Variants in NCMAP observed in about 807,000 individuals in gnomAD.
The protein encoded by NCMAP is non-compact myelin associated protein.
In NCMAP, 8 loss-of-function variants were observed where a neutral mutation model predicts 7.8. That is an observed-to-expected ratio of 1.02 (90% CI 0.60 to 1.84). The LOEUF is 1.84. Ranked by LOEUF, NCMAP falls within the 40% of genes most tolerant of loss-of-function variation. The probability of loss-of-function intolerance (pLI) is 0.00; values close to 1 mark genes in which losing one functional copy is unlikely to be tolerated. For missense variants in NCMAP, 112 were observed against 131.4 expected (o/e 0.85, Z 0.72); for synonymous variants, 41 against 52.9 (o/e 0.78, Z 0.98).
intron 1 of NCMAP, among the ~76,000 whole-genome samples, chr1:24,574,087 G>A (rs12077236): frequency 0.12 from 18,361 of 149,330 alleles, 2,001 homozygotes; most frequent in African/African-American, 0.23. Context: ...CCCACACAGC[G>A]GCCCCCAGGT....
intron 2 of NCMAP, among the ~76,000 whole-genome samples, chr1:24,600,499 G>C (rs11249139): frequency 0.33 from 49,874 of 152,154 alleles, 8,414 homozygotes; most frequent in Middle Eastern, 0.45. Context: ...GGTGAATGTA[G>C]ATATGCAGAC....
chr1:24,598,446 G>C (rs77931993), intron 2 of NCMAP, among the ~76,000 whole-genome samples: 53 of 151,972 alleles, frequency 3.5e-4, no homozygotes, highest in African/African-American at 1.2e-3. Flanking sequence ...CCATCGATTA[G>C]TTCTGCTTGG....
chr1:24,562,971 T>C (rs1438848077), intron 1 of NCMAP, among the ~76,000 whole-genome samples: 1 of 149,720 alleles, frequency 6.7e-6, no homozygotes, highest in Non-Finnish European at 1.5e-5. Context: ...AGAGCTGGCA[T>C]CCCTGGGGGG....
chr1:24,604,750 G>A (rs1387088232), intron 3 of NCMAP, among the ~76,000 whole-genome samples: 2 of 146,020 alleles, frequency 1.4e-5, no homozygotes, highest in African/African-American at 2.5e-5. Context: ...GGGAGGCCAA[G>A]TGGGGAGGAT....
At chr1:24,586,487 G>A (rs1467623730) in intron 1 of NCMAP, among the ~76,000 whole-genome samples, 2 of 152,202 alleles carry the variant, frequency 1.3e-5, no homozygotes, top group African/African-American at 2.4e-5. Context: ...TCACGGCTGG[G>A]CACGGTGGCT....
rs1468613604 is a variant in NCMAP, at chr1:24,608,605, A to G, written c.*2858A>G. 1 of 152,254 alleles carries G rather than the reference A, an allele frequency of 6.6e-6. No homozygotes were observed. Among genetic ancestry groups the G allele is most frequent in the East Asian group, 1.9e-4 (1 of 5,196 alleles). 9.4% of individuals were successfully genotyped at this position (152,254 alleles called of 1,614,324 possible). On this transcript the variant is annotated 3_prime_UTR_variant, in exon 4 of 4. Coordinates refer to ENST00000374392, the MANE Select transcript of NCMAP (RefSeq NM_001010980.5). ...CCCCTAAACATATTCGGCTTGAAAA[A>G]GTTGTTTTGGGGCAGCTGTGGTGGT...
intron 3 of NCMAP, among the ~76,000 whole-genome samples, chr1:24,602,198 C>T (rs936888411): frequency 6.6e-6 from 1 of 152,128 alleles, no homozygotes; most frequent in Non-Finnish European, 1.5e-5. Flanking sequence ...GAAAGCAACA[C>T]AGCAAGGTCT....
At chr1:24,588,076 A>G (rs186006877) in intron 1 of NCMAP, among the ~76,000 whole-genome samples, 33 of 151,424 alleles carry the variant, frequency 2.2e-4, no homozygotes, top group African/African-American at 7.5e-4. Context: ...AAAAGACTCA[A>G]TTTTCTTTTC....
At chr1:24,598,538 G>A (rs1463432169) in intron 2 of NCMAP, among the ~76,000 whole-genome samples, 3 of 152,006 alleles carry the variant, frequency 2.0e-5, no homozygotes, top group Non-Finnish European at 2.9e-5. Flanking sequence ...CATTATGCTT[G>A]TATGCACATA....
chr1:24,567,782 C>T (rs554535772), intron 1 of NCMAP, among the ~76,000 whole-genome samples: 2 of 152,194 alleles, frequency 1.3e-5, no homozygotes, highest in African/African-American at 4.8e-5. Flanking sequence ...GGAGGACATT[C>T]CCAAAGAGGG....
chr1:24,601,698 A>G (rs1652497329), intron 3 of NCMAP, among the ~76,000 whole-genome samples: 1 of 152,086 alleles, frequency 6.6e-6, no homozygotes. Context: ...TGAGTCCAGG[A>G]GTTTGAGTCC....
chr1:24,597,520 G>A (rs1251560151), intron 2 of NCMAP, among the ~76,000 whole-genome samples: 1 of 24,510 alleles, frequency 4.1e-5, no homozygotes, highest in Non-Finnish European at 9.3e-5. Flanking sequence ...AGAGAAGGAA[G>A]GGGGGGGGGG....
rs1230333944 is a variant in NCMAP at position 24,576,132 on chromosome 1, T to C, written c.-7-19292T>C. ...CCTCACCACTGCCACCCTGCACAGA[T>C]GGCTCCCCTGCCTGTCCCCCGACCT... On this transcript the variant is annotated intron_variant, in intron 1 of 3. Transcript: ENST00000374392. This position sits in a 1 kb window ranked among gnomAD's most constrained non-coding sequence, Gnocchi z 4.0. Among the ~76,000 whole-genome samples, 2 of 152,038 alleles carry C rather than the reference T, an allele frequency of 1.3e-5. No individual in the cohort carries two copies. Among genetic ancestry groups the C allele is most frequent in the Non-Finnish European group, 2.9e-5 (2 of 68,010 alleles).
intron 1 of NCMAP, among the ~76,000 whole-genome samples, chr1:24,591,061 G>GAC: frequency 6.9e-6 from 1 of 144,346 alleles, no homozygotes; most frequent in South Asian, 2.2e-4. Flanking sequence ...CACTTTATCT[G>GAC]AGGAAGGTAA....
At chr1:24,593,666 C>G (rs1652119744) in intron 1 of NCMAP, among the ~76,000 whole-genome samples, 1 of 152,108 alleles carries the variant, frequency 6.6e-6, no homozygotes, top group African/African-American at 2.4e-5. Context: ...CAGAATCTCT[C>G]TTTCTCCAGT....
chr1:24,578,548 TTTTC>T (rs1187740917), intron 1 of NCMAP, among the ~76,000 whole-genome samples: 2 of 143,784 alleles, frequency 1.4e-5, no homozygotes, highest in East Asian at 2.0e-4. Flanking sequence ...TTAGTTTTCT[TTTTC>T]TTTCTTTCTT....
chr1:24,597,659 GAAAGAAAGAA>G (rs2148936892), intron 2 of NCMAP, among the ~76,000 whole-genome samples: 2 of 118,880 alleles, frequency 1.7e-5, no homozygotes, highest in South Asian at 6.1e-4. Flanking sequence ...AAGAAAGAAA[GAAAGAAAGAA>G]AGAAAAGAAA....
chr1:24,599,299 CAAGA>C (rs1652377145), intron 2 of NCMAP, among the ~76,000 whole-genome samples: 1 of 115,676 alleles, frequency 8.6e-6, no homozygotes, highest in South Asian at 3.0e-4. Context: ...AAAAAAAAAA[CAAGA>C]AAGAAATTAA....
At chr1:24,593,566 T>C (rs1336180368) in intron 1 of NCMAP, among the ~76,000 whole-genome samples, 1 of 152,204 alleles carries the variant, frequency 6.6e-6, no homozygotes, top group Non-Finnish European at 1.5e-5. Flanking sequence ...GGTCAGTACG[T>C]GGGCTCCTGT....
Sources: allele counts gnomAD v4.1 joint callset (sites outside exome capture counted in the v4.1 genomes callset), GRCh38; gene constraint gnomAD v4.1.1; non-coding constraint Gnocchi (gnomAD v3.1); transcripts MANE v1.5; gene names NCBI Gene and HGNC (gene_info 2026-07-23, HGNC 2026-07-21).